Variants in ASNS observed in about 807,000 individuals in gnomAD.
ASNS encodes asparagine synthetase (glutamine-hydrolyzing), also known as asparagine synthetase [glutamine-hydrolyzing].
In ASNS, 37 loss-of-function variants were observed where a neutral mutation model predicts 62.6. The observed-to-expected ratio is 0.59, with a 90% CI of 0.45 to 0.78. ASNS has a LOEUF of 0.78. ASNS is among the 30% of genes least tolerant of loss of function. The pLI, the probability that ASNS is intolerant of heterozygous loss-of-function variation, is 0.00. For missense variants in ASNS, 520 were observed against 682.4 expected (o/e 0.76, Z 2.65); for synonymous variants, 207 against 237.9 (o/e 0.87, Z 1.19).
chr7:97,919,413 C>T, the ASNS span, among the ~76,000 whole-genome samples: 6 of 152,306 alleles, frequency 3.9e-5, no homozygotes, highest in East Asian at 1.9e-4. Context: ...GCCTGCATTG[C>T]TTGAATTCTC....
rs554805942 is a variant in ASNS, at chr7:97,864,458, C to T, written c.288G>A (p.Val96=). 95 of 1,613,898 alleles carry T rather than the reference C, an allele frequency of 5.9e-5. 1 individual carries two copies. In the South Asian group the frequency reaches 9.7e-4, roughly 16 times the overall value. The change falls in exon 4 of 13, where the codon GTG becomes GTA. Residue 96 remains valine (V), a synonymous_variant. Transcript: ENST00000394308. ...QHFEFEYQTK[V]DGEIILHLYD... ...AAAGATGAAGGATTATCTCACCATC[C>T]ACTTTGGTCTGGTATTCAAATTCAA...
upstream of ASNS, among the ~76,000 whole-genome samples, chr7:97,877,542 C>G (rs62478049): frequency 6.6e-6 from 1 of 152,186 alleles, no homozygotes; most frequent in African/African-American, 2.4e-5. Context: ...AATACTGCAA[C>G]CAGAGTGTCA....
chr7:97,889,479 T>C, the ASNS span, among the ~76,000 whole-genome samples: 2 of 152,084 alleles, frequency 1.3e-5, no homozygotes, highest in African/African-American at 2.4e-5. Flanking sequence ...ATTGTGCCAC[T>C]GCACTCCAGC....
rs375696810 is a variant in ASNS at position 97,869,001 on chromosome 7, T to C, written c.156A>G (p.Val52=). 7.6e-5 allele frequency: 122 copies of C among 1,614,122 alleles called. No individual in the cohort carries two copies. Among genetic ancestry groups the C allele is most frequent in the Non-Finnish European group, 9.7e-5 (115 of 1,180,054 alleles). ...GCTGCATTCCAAACAGCGGGTCAACTACCGCCAACCGGTGAAATCCAAAGC... is the reference window on the plus strand; with the variant it reads ...GCTGCATTCCAAACAGCGGGTCAACCACCGCCAACCGGTGAAATCCAAAGC... The part of the protein sequence containing the change: ...NCCFGFHRLA[V]VDPLFGMQPI... The change falls in exon 3 of 13, where the codon GTA becomes GTG. Residue 52 remains valine, a synonymous_variant. Coordinates refer to ENST00000394308, the MANE Select transcript of ASNS (RefSeq NM_001673.5).
At position 97,869,160 on chromosome 7, in the gene ASNS, G is replaced by A. The variant is rs1323070268; in HGVS notation, c.-4C>T. ...ACAGCGCCCAAATGCCACACATGGTGCAATGAAGCTATAAGCTTTCTATGG... is the reference window on the plus strand; with the variant it reads ...ACAGCGCCCAAATGCCACACATGGTACAATGAAGCTATAAGCTTTCTATGG... On this transcript the variant is annotated 5_prime_UTR_variant, in exon 3 of 13. Transcript: ENST00000394308. The A allele has an allele frequency of 1.5e-5, 24 of 1,613,374 alleles. No individual in the cohort carries two copies. The highest frequency in any genetic ancestry group is 1.9e-5 in the Non-Finnish European group (22 of 1,179,462).
chr7:97,859,457 CG>C, intron 4 of ASNS, 59 bp from the exon 5 acceptor site: 1 of 1,493,118 alleles, frequency 6.7e-7, no homozygotes, highest in Non-Finnish European at 9.0e-7. Flanking sequence ...ATAACTTTCA[CG>C]ATTAGTTAAC....
the ASNS span, among the ~76,000 whole-genome samples, chr7:97,922,727 CA>C: frequency 6.6e-6 from 1 of 152,050 alleles, no homozygotes; most frequent in African/African-American, 2.4e-5. Context: ...TCAACAACTC[CA>C]AAAAACAAGA....
chr7:97,928,176 C>G, the ASNS span: 28,526 of 1,527,794 alleles, frequency 0.019, 134 homozygotes, highest in African/African-American at 0.078. Flanking sequence ...CTGTGCGCTT[C>G]CCCCCTCCAG....
intron 10 of ASNS, among the ~76,000 whole-genome samples, chr7:97,854,230 AC>A (rs1426859540): frequency 2.0e-5 from 3 of 152,258 alleles, no homozygotes; most frequent in Non-Finnish European, 2.9e-5. Flanking sequence ...AAAACACTTA[AC>A]GGTAGCTGCT....
At chr7:97,896,737 C>CATATATATATATATATATATATATATAT in the ASNS span, among the ~76,000 whole-genome samples, 1 of 30,512 alleles carries the variant, frequency 3.3e-5, no homozygotes, top group South Asian at 1.4e-3. Flanking sequence ...CACACACACA[C>CATATATATATATATATATATATATATAT]ACACATATAT....
At chr7:97,913,231 C>T in the ASNS span, 15 of 152,378 alleles carry the variant, frequency 9.8e-5, no homozygotes, top group South Asian at 2.1e-4. Context: ...GACTGGATCA[C>T]TCAACTCTGC....
chr7:97,920,509 C>T, the ASNS span, among the ~76,000 whole-genome samples: 13 of 152,306 alleles, frequency 8.5e-5, 1 homozygote, highest in African/African-American at 2.9e-4. Flanking sequence ...GAGCCCTGTG[C>T]TTAGGCAGGA....
the ASNS span, among the ~76,000 whole-genome samples, chr7:97,910,621 T>TTC: frequency 1.0e-4 from 15 of 150,746 alleles, no homozygotes; most frequent in East Asian, 5.9e-4. Context: ...TTTTTTTTTT[T>TTC]CCAGAGTCTC....
chr7:97,904,317 C>CACACACACACAG, the ASNS span, among the ~76,000 whole-genome samples: 8 of 146,624 alleles, frequency 5.5e-5, no homozygotes, highest in African/African-American at 1.8e-4. Flanking sequence ...CACACACACA[C>CACACACACACAG]AGAGAGAGAG....
At chr7:97,853,516 G>C (rs1202359601) in intron 10 of ASNS, 130 bp from the exon 11 acceptor site, 2 of 698,580 alleles carry the variant, frequency 2.9e-6, no homozygotes, top group Non-Finnish European at 4.8e-6. Context: ...TCACATACAA[G>C]CCTCCTAATG....
the ASNS span, among the ~76,000 whole-genome samples, chr7:97,881,329 G>A: frequency 6.6e-6 from 1 of 151,944 alleles, no homozygotes; most frequent in Non-Finnish European, 1.5e-5. Flanking sequence ...CATTCACAAT[G>A]TTAAGCAATC....
At chr7:97,858,668 T>C (rs1229191473) in intron 6 of ASNS, among the ~76,000 whole-genome samples, 186 bp downstream of exon 6, 2 of 152,206 alleles carry the variant, frequency 1.3e-5, no homozygotes, top group Admixed American at 6.5e-5. Context: ...ATAGCTATAG[T>C]GTAACTCAAG....
the ASNS span, chr7:97,928,327 G>C: frequency 7.6e-7 from 1 of 1,307,480 alleles, no homozygotes; most frequent in East Asian, 2.7e-5. Flanking sequence ...CCTGCATTTG[G>C]GGAAGAAGGA....
chr7:97,881,941 C>T, the ASNS span, among the ~76,000 whole-genome samples: 1 of 151,972 alleles, frequency 6.6e-6, no homozygotes, highest in South Asian at 2.1e-4. Context: ...ACCTCTGCCT[C>T]CCAGGTTCAA....
Sources: gnomAD v4.1 joint callset for allele counts (sites outside exome capture counted in the v4.1 genomes callset) on GRCh38, gnomAD v4.1.1 for gene constraint, MANE v1.5 for transcripts, NCBI Gene and HGNC (gene_info 2026-07-23, HGNC 2026-07-21) for gene names.